P2RY8: variants seen among roughly 807,000 people sequenced by gnomAD.
P2RY8 encodes S-geranylgeranyl-glutathione receptor P2RY8.
P2RY8 carries 6 observed loss-of-function variants against 10.0 expected under a neutral mutation model. That is an observed-to-expected ratio of 0.60 (90% CI 0.33 to 1.19). P2RY8 has a LOEUF of 1.19. Ranked by LOEUF, P2RY8 falls within the 50% of genes most tolerant of loss-of-function variation. The probability of loss-of-function intolerance (pLI) is 0.04; values close to 1 mark genes in which losing one functional copy is unlikely to be tolerated. For synonymous variants in P2RY8, 276 were observed against 252.5 expected (o/e 1.09, Z -0.88); for missense variants, 456 against 542.0 (o/e 0.84, Z 1.58).
At chrX:1,466,624 G>C (rs1242051336) in intron 1 of P2RY8, 42 bp from the exon 2 acceptor site, 6 of 1,523,830 alleles carry the variant, frequency 3.9e-6, no homozygotes. Flanking sequence ...CAGGGGCGCA[G>C]GTAAAGAGGC....
At chrX:1,468,493 A>G (rs2091724648) in intron 1 of P2RY8, among the ~76,000 whole-genome samples, 3 of 152,188 alleles carry the variant, frequency 2.0e-5, no homozygotes. Flanking sequence ...TGACTAATCA[A>G]GAAATTACCT....
At chrX:1,489,333 G>C (rs1205530918) in intron 1 of P2RY8, among the ~76,000 whole-genome samples, 13 of 151,294 alleles carry the variant, frequency 8.6e-5, no homozygotes, top group African/African-American at 3.2e-4. Flanking sequence ...TCCTGCAACA[G>C]TGGAGAGAAT....
intron 1 of P2RY8, among the ~76,000 whole-genome samples, chrX:1,518,425 CAA>C (rs545400196): frequency 7.4e-6 from 1 of 134,564 alleles, no homozygotes; most frequent in African/African-American, 2.7e-5. Flanking sequence ...GACTCCGTCT[CAA>C]AAAAAAAAAA....
At chrX:1,497,777 G>A (rs769757956) in intron 1 of P2RY8, among the ~76,000 whole-genome samples, 1 of 152,262 alleles carries the variant, frequency 6.6e-6, no homozygotes, top group South Asian at 2.1e-4. Context: ...CATCCAGGCT[G>A]GTGAGAGATG....
chrX:1,487,125 G>T (rs1453765846), intron 1 of P2RY8, among the ~76,000 whole-genome samples: 1 of 152,196 alleles, frequency 6.6e-6, no homozygotes, highest in Non-Finnish European at 1.5e-5. Context: ...GGCCTGAGTG[G>T]AGGGGAAGCA....
At chrX:1,483,633 TAAAG>T (rs2091959139) in intron 1 of P2RY8, among the ~76,000 whole-genome samples, 1 of 151,394 alleles carries the variant, frequency 6.6e-6, no homozygotes, top group South Asian at 2.1e-4. Context: ...AAACTTTGTC[TAAAG>T]AGAGAGAAAA....
At position 1,537,128 on chromosome X, in the gene P2RY8, C is replaced by A. The variant is rs2092533376; in HGVS notation, c.-232G>T. On this transcript the variant is annotated 5_prime_UTR_variant, in exon 1 of 2. It adds an upstream start codon to the 5' untranslated region. Transcript: ENST00000381297. ...CTTCCAGTTCCATCTGTCCAGCAAC[C>A]TTGCAAAGGCGGCCGCTTCGCTGGG... The A allele has an allele frequency of 8.6e-6, 2 of 232,638 alleles. No homozygotes were observed. The highest frequency in any genetic ancestry group is 1.7e-5 in the Non-Finnish European group (2 of 117,782). 14.4% of individuals were successfully genotyped at this position (232,638 alleles called of 1,614,324 possible).
At chrX:1,485,207 G>A (rs1329862057) in intron 1 of P2RY8, among the ~76,000 whole-genome samples, 1 of 151,708 alleles carries the variant, frequency 6.6e-6, no homozygotes, top group African/African-American at 2.4e-5. Context: ...GCTTCATGGC[G>A]GCTCACGGCA....
intron 1 of P2RY8, among the ~76,000 whole-genome samples, chrX:1,506,702 G>C (rs1378917490): frequency 6.6e-6 from 1 of 150,758 alleles, no homozygotes; most frequent in Non-Finnish European, 1.5e-5. Context: ...TTTTGAGATG[G>C]AGTCTTGCTC....
chrX:1,525,883 C>T (rs1368718395), intron 1 of P2RY8, among the ~76,000 whole-genome samples: 1 of 151,438 alleles, frequency 6.6e-6, no homozygotes, highest in African/African-American at 2.4e-5. Context: ...TCATTTATTC[C>T]TTATCCATCC....
rs762663107 is a variant in P2RY8 at position 1,466,409 on chromosome X, C to G, written c.150G>C (p.Arg50=). Residue 50 remains arginine (R), a synonymous_variant, in exon 2 of 2, where the codon CGG becomes CGC. Transcript: ENST00000381297. ...GNLFSLWVLC[R]RMGPRSPSVI... is the part of the protein sequence containing the mutation. ...CCGACGGGGATCTGGGCCCCATGCG[C>G]CGGCACAGCACCCACAGAGAGAAGA... is the stretch of plus-strand genomic sequence containing the variant. 82 of 1,613,316 alleles carry G rather than the reference C, an allele frequency of 5.1e-5. No homozygotes were observed. The Admixed American group carries it at 1.4e-3, about 27-fold the overall frequency.
chrX:1,524,323 C>T (rs1261175659), intron 1 of P2RY8, among the ~76,000 whole-genome samples: 1 of 151,494 alleles, frequency 6.6e-6, no homozygotes, highest in Non-Finnish European at 1.5e-5. Flanking sequence ...CTCATTCATT[C>T]CTCATCCATC....
chrX:1,530,245 T>C (rs185550123), intron 1 of P2RY8, among the ~76,000 whole-genome samples: 1 of 151,942 alleles, frequency 6.6e-6, no homozygotes, highest in African/African-American at 2.4e-5. Flanking sequence ...TGTATCTATC[T>C]ATCTCTATTA....
At chrX:1,524,925 C>T (rs2092430225) in intron 1 of P2RY8, among the ~76,000 whole-genome samples, 1 of 151,904 alleles carries the variant, frequency 6.6e-6, no homozygotes. Context: ...ATCCATCCAC[C>T]CACCCATCCA....
chrX:1,511,209 C>T (rs1447966640), intron 1 of P2RY8, among the ~76,000 whole-genome samples: 1 of 152,040 alleles, frequency 6.6e-6, no homozygotes, highest in Non-Finnish European at 1.5e-5. Flanking sequence ...AAAAAGAAAA[C>T]ACCTTTTGAT....
chrX:1,488,267 C>T (rs2092006174), intron 1 of P2RY8, among the ~76,000 whole-genome samples: 1 of 152,146 alleles, frequency 6.6e-6, no homozygotes, highest in Non-Finnish European at 1.5e-5. Context: ...CCTAAACCAC[C>T]CTCCTGGGAA....
intron 1 of P2RY8, among the ~76,000 whole-genome samples, chrX:1,518,280 G>A (rs1376755842): frequency 1.3e-5 from 2 of 150,620 alleles, no homozygotes; most frequent in Admixed American, 1.3e-4. Context: ...ACAAAAATTA[G>A]CCAGGCATGG....
At chrX:1,487,529 G>A (rs1266760167) in intron 1 of P2RY8, among the ~76,000 whole-genome samples, 1 of 152,130 alleles carries the variant, frequency 6.6e-6, no homozygotes, top group Non-Finnish European at 1.5e-5. Context: ...TGTAGAAGAT[G>A]CCGCACTCTG....
In P2RY8 at chrX:1,508,702, C is replaced by CATCCATCCATCCATCT. The variant is rs1224676271; in HGVS notation, c.-25+28218_-25+28219insAGATGGATGGATGGAT. Among the ~76,000 whole-genome samples, 225 of 86,490 alleles carry CATCCATCCATCCATCT rather than the reference C, an allele frequency of 2.6e-3. 4 individuals are homozygous for CATCCATCCATCCATCT. Among genetic ancestry groups the CATCCATCCATCCATCT allele is most frequent in the African/African-American group, 5.8e-3 (115 of 19,900 alleles). 56.7% of individuals were successfully genotyped at this position (86,490 alleles called of 152,430 possible). On this transcript the variant is annotated intron_variant, in intron 1 of 1. Coordinates refer to ENST00000381297, the MANE Select transcript of P2RY8 (RefSeq NM_178129.5). ...TCCATCATCCATCCATCCATCCATCCATTCTATCTATCTATCTATCTATCT... is the reference window on the plus strand; with the variant it reads ...TCCATCATCCATCCATCCATCCATCCATCCATCCATCCATCTATTCTATCTATCTATCTATCTATCT...
Sources: gnomAD v4.1 joint callset for allele counts (sites outside exome capture counted in the v4.1 genomes callset) on GRCh38, gnomAD v4.1.1 for gene constraint, MANE v1.5 for transcripts, NCBI Gene and HGNC (gene_info 2026-07-23, HGNC 2026-07-21) for gene names.